Variants in PLXNA4 observed in about 807,000 individuals in gnomAD.
The protein encoded by PLXNA4 is plexin-A4.
In PLXNA4, 44 loss-of-function variants were observed where a neutral mutation model predicts 191.8. The observed-to-expected ratio is 0.23, with a 90% CI of 0.18 to 0.29. The LOEUF (loss-of-function observed/expected upper bound fraction) is 0.29. PLXNA4 is among the 10% of genes least tolerant of loss of function. PLXNA4 has a pLI of 1.00. For synonymous variants in PLXNA4, 1,082 were observed against 1,009.5 expected, an observed-to-expected ratio of 1.07 and a Z score of -1.36; for missense variants, 1,800 against 2,488.8, an observed-to-expected ratio of 0.72 and a Z score of 5.89.
chr7:132,607,857 T>A (rs1302460346), intron 2 of PLXNA4, among the ~76,000 whole-genome samples: 2 of 76,264 alleles, frequency 2.6e-5, no homozygotes, highest in Admixed American at 2.6e-4. Context: ...CCACCATCAC[T>A]CCCATCATCC....
intron 3 of PLXNA4, chr7:132,485,013 A>G (rs779458074): frequency 6.2e-7 from 1 of 1,610,760 alleles, no homozygotes. Flanking sequence ...GTGCCGAAGG[A>G]CTAGGGAACA....
intron 3 of PLXNA4, among the ~76,000 whole-genome samples, chr7:132,480,540 C>G (rs1260532252): frequency 6.6e-6 from 1 of 151,962 alleles, no homozygotes; most frequent in Non-Finnish European, 1.5e-5. Flanking sequence ...AGGGACAATT[C>G]CGGTGAGAAA....
At chr7:132,641,866 A>G (rs1337383124) in intron 2 of PLXNA4, among the ~76,000 whole-genome samples, 1 of 150,264 alleles carries the variant, frequency 6.7e-6, no homozygotes, top group African/African-American at 2.5e-5. Context: ...TGCTCAGACA[A>G]TGATCACAGC....
chr7:132,455,663 G>T (rs1796287181), intron 3 of PLXNA4, among the ~76,000 whole-genome samples: 1 of 152,060 alleles, frequency 6.6e-6, no homozygotes, highest in Non-Finnish European at 1.5e-5. Flanking sequence ...TTCTTTCTGG[G>T]CTTCGAAATT....
chr7:132,634,593 C>T (rs193192679), intron 2 of PLXNA4, among the ~76,000 whole-genome samples: 20 of 152,340 alleles, frequency 1.3e-4, no homozygotes, highest in South Asian at 2.1e-4. Flanking sequence ...ACTGAACAAG[C>T]GCCCCTGGGC....
At chr7:132,133,301 C>A in intron 30 of PLXNA4, 102 bp from the exon 31 acceptor site, 1 of 1,529,368 alleles carries the variant, frequency 6.5e-7, no homozygotes, top group South Asian at 1.3e-5. Flanking sequence ...GCTCAGCTTG[C>A]ACTGCAGGTA....
intron 4 of PLXNA4, among the ~76,000 whole-genome samples, chr7:132,257,169 C>G (rs1799461897): frequency 6.6e-6 from 1 of 152,226 alleles, no homozygotes; most frequent in Non-Finnish European, 1.5e-5. Flanking sequence ...ACTCCAGTCC[C>G]CTCTCTTGCA....
chr7:132,497,135 C>CAAACACACACACAT, intron 2 of PLXNA4, among the ~76,000 whole-genome samples: 1 of 151,918 alleles, frequency 6.6e-6, no homozygotes, highest in East Asian at 1.9e-4. Flanking sequence ...CACACACACA[C>CAAACACACACACAT]ACACACACAT....
At chr7:132,203,793 T>G (rs1004774492) in intron 10 of PLXNA4, among the ~76,000 whole-genome samples, 4 of 152,180 alleles carry the variant, frequency 2.6e-5, no homozygotes, top group Non-Finnish European at 5.9e-5. Context: ...AGGAGTCCAC[T>G]TCCTCTCTGG....
chr7:132,375,582 T>G (rs1482074462), intron 3 of PLXNA4, among the ~76,000 whole-genome samples: 1 of 152,018 alleles, frequency 6.6e-6, no homozygotes, highest in Non-Finnish European at 1.5e-5. Flanking sequence ...CACAGCACAG[T>G]GTGATCCATG....
chr7:132,495,527 A>G (rs1797977116), intron 2 of PLXNA4, among the ~76,000 whole-genome samples: 1 of 152,196 alleles, frequency 6.6e-6, no homozygotes, highest in South Asian at 2.1e-4. Context: ...GCTCTGGGGC[A>G]GCAGCAGCCA....
chr7:132,419,083 G>A (rs1794760534), intron 3 of PLXNA4, among the ~76,000 whole-genome samples: 1 of 152,214 alleles, frequency 6.6e-6, no homozygotes, highest in African/African-American at 2.4e-5. Context: ...TGTGTCCTTG[G>A]TCCTGGGACT....
intron 2 of PLXNA4, among the ~76,000 whole-genome samples, chr7:132,599,126 C>T (rs1802771064): frequency 6.6e-6 from 1 of 152,084 alleles, no homozygotes; most frequent in African/African-American, 2.4e-5. Context: ...GCCTGACCAC[C>T]CCAGTTTTTG....
chr7:132,562,624 TC>T (rs1801265548), intron 1 of PLXNA4, among the ~76,000 whole-genome samples: 1 of 116,834 alleles, frequency 8.6e-6, no homozygotes, highest in Non-Finnish European at 1.7e-5. Context: ...CTCCTCTTCC[TC>T]CTCCTTCTCC....
intron 2 of PLXNA4, among the ~76,000 whole-genome samples, chr7:132,642,180 A>G (rs1281015490): frequency 6.6e-6 from 1 of 152,166 alleles, no homozygotes; most frequent in Non-Finnish European, 1.5e-5. Flanking sequence ...TTTTCTAGGT[A>G]ATAAACCCTT....
At chr7:132,307,531 G>A (rs1298425271) in intron 3 of PLXNA4, among the ~76,000 whole-genome samples, 3 of 152,018 alleles carry the variant, frequency 2.0e-5, no homozygotes, top group African/African-American at 2.4e-5. Context: ...CATCCTCATG[G>A]TGTAGATCTC....
At chr7:132,187,408 G>A in intron 15 of PLXNA4, 63 bp downstream of exon 15, 1 of 1,559,144 alleles carries the variant, frequency 6.4e-7, no homozygotes, top group East Asian at 2.3e-5. Flanking sequence ...AAGCTACCCT[G>A]AAGTCATTTA....
intron 2 of PLXNA4, among the ~76,000 whole-genome samples, chr7:132,500,889 T>C (rs1798221014): frequency 6.6e-6 from 1 of 152,164 alleles, no homozygotes; most frequent in South Asian, 2.1e-4. Flanking sequence ...CCCAGTGATA[T>C]CTCACAAGCT....
chr7:132,490,821 G>A (rs1239073334), intron 2 of PLXNA4, among the ~76,000 whole-genome samples: 2 of 152,098 alleles, frequency 1.3e-5, no homozygotes, highest in Non-Finnish European at 2.9e-5. Flanking sequence ...GCTTGCTCCT[G>A]ACTCCAGGAA....
Sources: allele counts gnomAD v4.1 joint callset (sites outside exome capture counted in the v4.1 genomes callset), GRCh38; gene constraint gnomAD v4.1.1; transcripts MANE v1.5; gene names NCBI Gene and HGNC (gene_info 2026-07-23, HGNC 2026-07-21).